Variants in PYGO1 observed in about 807,000 individuals in gnomAD.
PYGO1 encodes pygopus homolog 1.
A neutral mutation model predicts 29.5 loss-of-function variants in PYGO1; 6 were observed. The observed-to-expected ratio is 0.20, with a 90% CI of 0.11 to 0.40. The LOEUF (loss-of-function observed/expected upper bound fraction) is 0.40. PYGO1 is among the 10% of genes least tolerant of loss of function. PYGO1 has a pLI of 1.00. For synonymous variants in PYGO1, 186 were observed against 180.5 expected, an observed-to-expected ratio of 1.03 and a Z score of -0.24; for missense variants, 515 against 514.9, an observed-to-expected ratio of 1.00 and a Z score of 0.00.
chr15:55,547,161 G>A lies in PYGO1; in HGVS notation c.136-14C>T, dbSNP rs2141644420. On this transcript the variant is annotated splice_polypyrimidine_tract_variant and intron_variant, in intron 2 of 2. Coordinates refer to ENST00000563719, the MANE Select transcript of PYGO1 (RefSeq NM_001367806.1). The stretch of plus-strand genomic sequence containing the variant: ...GAAAGAAGGTCCCTGAAATGAGAAT[G>A]TAAAGTAAAATACATGTTTTCGATC... The A allele has an allele frequency of 2.6e-6, 4 of 1,563,300 alleles. No homozygotes were observed. Among genetic ancestry groups the A allele is most frequent in the South Asian group, 1.2e-5 (1 of 85,566 alleles).
intron 1 of PYGO1, among the ~76,000 whole-genome samples, chr15:55,568,546 A>G (rs1279771123): frequency 6.6e-6 from 1 of 152,144 alleles, no homozygotes. Context: ...ATTGTCAGCA[A>G]AGAGAAATAG....
upstream of PYGO1, chr15:55,588,687 C>G: frequency 8.6e-7 from 1 of 1,159,002 alleles, no homozygotes; most frequent in Non-Finnish European, 1.2e-6. Context: ...CGCCCGACCC[C>G]GCGGCCGACG....
intron 1 of PYGO1, among the ~76,000 whole-genome samples, chr15:55,563,700 C>T (rs2058943144): frequency 6.6e-6 from 1 of 152,040 alleles, no homozygotes; most frequent in African/African-American, 2.4e-5. Context: ...CATCTATCAC[C>T]CGAGCAGTGT....
intron 2 of PYGO1, among the ~76,000 whole-genome samples, chr15:55,548,312 G>A (rs1228021948): frequency 2.4e-4 from 37 of 151,940 alleles, no homozygotes; most frequent in Admixed American, 2.4e-3. Context: ...GAGCCACCAT[G>A]CCCAGCCTAA....
At chr15:55,565,781 G>A (rs868134434) in intron 1 of PYGO1, among the ~76,000 whole-genome samples, 1 of 151,966 alleles carries the variant, frequency 6.6e-6, no homozygotes, top group African/African-American at 2.4e-5. Flanking sequence ...TATGTCCTTT[G>A]CCATTTTTTC....
Position 55,542,380 on chromosome 15 carries a change from C to A in PYGO1, c.*3643G>T, listed in dbSNP as rs2058831432. 1 of 152,114 alleles carries A rather than the reference C, an allele frequency of 6.6e-6. No individual in the cohort carries two copies. Among genetic ancestry groups the A allele is most frequent in the South Asian group, 2.1e-4 (1 of 4,830 alleles). 9.4% of individuals were successfully genotyped at this position (152,114 alleles called of 1,614,324 possible). A position where few individuals can be genotyped will look rare whatever the true frequency, so the allele number is the denominator to read the frequency against. On this transcript the variant is annotated 3_prime_UTR_variant, in exon 3 of 3. Coordinates refer to ENST00000563719, the MANE Select transcript of PYGO1 (RefSeq NM_001367806.1). Reference sequence around the variant, plus strand: ...TGTTTATGAAGAATAAGCACTAGTACAAGAAAATCTTTAGTTTTATGTATA... The same window carrying A: ...TGTTTATGAAGAATAAGCACTAGTAAAAGAAAATCTTTAGTTTTATGTATA...
intron 1 of PYGO1, among the ~76,000 whole-genome samples, chr15:55,572,080 A>G (rs1263789272): frequency 6.6e-6 from 1 of 152,188 alleles, no homozygotes; most frequent in Non-Finnish European, 1.5e-5. Context: ...AAATCCTAAA[A>G]TTCATATGGA....
At chr15:55,576,176 G>A (rs959030494) in intron 1 of PYGO1, among the ~76,000 whole-genome samples, 1 of 152,070 alleles carries the variant, frequency 6.6e-6, no homozygotes, top group Non-Finnish European at 1.5e-5. Context: ...AAAAAGAGAG[G>A]CCGGGCGCGG....
intron 1 of PYGO1, among the ~76,000 whole-genome samples, chr15:55,566,457 T>C (rs1239528784): frequency 2.0e-5 from 3 of 151,902 alleles, no homozygotes; most frequent in African/African-American, 4.8e-5. Flanking sequence ...ATGTACCACA[T>C]AGTCTTTATC....
At position 55,546,863 on chromosome 15, in the gene PYGO1, A is replaced by G; in HGVS notation, c.420T>C (p.Phe140=). Reference sequence around the variant, plus strand: ...CAAAGTTAAAAGCATGAGGTCGATTAAAACCCATGCCCAGAGGATTCTGAG... The same window carrying G: ...CAAAGTTAAAAGCATGAGGTCGATTGAAACCCATGCCCAGAGGATTCTGAG... ...PFPQNPLGMG[F]NRPHAFNFGP... Residue 140 remains phenylalanine (F), a synonymous_variant, in exon 3 of 3, where the codon TTT becomes TTC. Coordinates refer to ENST00000563719, the MANE Select transcript of PYGO1 (RefSeq NM_001367806.1). 1 of 1,614,148 alleles carries G rather than the reference A, an allele frequency of 6.2e-7. No individual in the cohort carries two copies. The highest frequency in any genetic ancestry group is 8.5e-7 in the Non-Finnish European group (1 of 1,180,022).
chr15:55,551,155 G>C (rs994363102), intron 1 of PYGO1, among the ~76,000 whole-genome samples: 5 of 152,206 alleles, frequency 3.3e-5, no homozygotes, highest in African/African-American at 1.2e-4. Context: ...GCATGGACTA[G>C]TACCAGTCCG....
intron 1 of PYGO1, among the ~76,000 whole-genome samples, chr15:55,554,679 G>C (rs1338232832): frequency 6.6e-6 from 1 of 151,920 alleles, no homozygotes; most frequent in African/African-American, 2.4e-5. Context: ...AGGAATATAG[G>C]TGACATGATG....
chr15:55,560,469 CAA>C (rs2141658540), intron 1 of PYGO1, among the ~76,000 whole-genome samples: 1 of 152,214 alleles, frequency 6.6e-6, no homozygotes, highest in African/African-American at 2.4e-5. Context: ...ATACAGCTAA[CAA>C]GAGACGTAAA....
chr15:55,565,062 T>C (rs1489613002), intron 1 of PYGO1, among the ~76,000 whole-genome samples: 4 of 152,230 alleles, frequency 2.6e-5, no homozygotes, highest in Admixed American at 2.6e-4. Context: ...TTCTTCTTCT[T>C]GAACTAGCCA....
chr15:55,568,360 G>A (rs910545098), intron 1 of PYGO1, among the ~76,000 whole-genome samples: 2 of 150,986 alleles, frequency 1.3e-5, no homozygotes, highest in Non-Finnish European at 3.0e-5. Flanking sequence ...GTGTGTGTGT[G>A]TGTCTGTAAA....
intron 1 of PYGO1, among the ~76,000 whole-genome samples, chr15:55,558,694 T>A (rs980505587): frequency 2.0e-5 from 3 of 151,830 alleles, no homozygotes; most frequent in African/African-American, 7.2e-5. Context: ...TGTACAACCA[T>A]CTGATCTTTG....
intron 1 of PYGO1, among the ~76,000 whole-genome samples, chr15:55,586,218 C>A (rs1363384088): frequency 6.6e-6 from 1 of 152,054 alleles, no homozygotes; most frequent in Non-Finnish European, 1.5e-5. Context: ...AGCATTTTAC[C>A]CTGTTTACCC....
At chr15:55,568,624 T>C (rs1257367306) in intron 1 of PYGO1, among the ~76,000 whole-genome samples, 1 of 152,166 alleles carries the variant, frequency 6.6e-6, no homozygotes, top group East Asian at 1.9e-4. Context: ...CTTCCAGTAC[T>C]GTACTGAATA....
At position 55,545,928 on chromosome 15, in the gene PYGO1, T is replaced by G. The variant is rs1031516596; in HGVS notation, c.*95A>C. 1 of 1,317,844 alleles carries G rather than the reference T, an allele frequency of 7.6e-7. No homozygotes were observed. The allele number at this position is 1,317,844 out of a possible 1,614,324, so 81.6% of individuals were successfully genotyped here. On this transcript the variant is annotated 3_prime_UTR_variant, in exon 3 of 3. Transcript: ENST00000563719. ...ACTAAGTAAATAATGTTTTTGTGTA[T>G]GCATTTAAAAAAATAATGTAAAACA...
Sources: allele counts gnomAD v4.1 joint callset (sites outside exome capture counted in the v4.1 genomes callset), GRCh38; gene constraint gnomAD v4.1.1; transcripts MANE v1.5; gene names NCBI Gene and HGNC (gene_info 2026-07-23, HGNC 2026-07-21).